Variants in PRKCA observed in about 807,000 individuals in gnomAD.
PRKCA encodes the protein protein kinase C alpha, also known as protein kinase C alpha type.
A neutral mutation model predicts 87.0 loss-of-function variants in PRKCA; 27 were observed. That is an observed-to-expected ratio of 0.31 (90% CI 0.23 to 0.43). The LOEUF is 0.43. Ranked by LOEUF, PRKCA falls within the 20% of genes least tolerant of loss-of-function variation. The probability of loss-of-function intolerance (pLI) is 1.00; values close to 1 mark genes in which losing one functional copy is unlikely to be tolerated. For synonymous variants in PRKCA, 329 were observed against 311.1 expected, an observed-to-expected ratio of 1.06 and a Z score of -0.61; for missense variants, 518 against 852.3, an observed-to-expected ratio of 0.61 and a Z score of 4.88.
At chr17:66,368,800 A>ATG (rs1908919761) in intron 2 of PRKCA, among the ~76,000 whole-genome samples, 2 of 152,170 alleles carry the variant, frequency 1.3e-5, no homozygotes, top group South Asian at 4.1e-4. Context: ...TTTTATACAA[A>ATG]TGTAAAGTAC....
intron 2 of PRKCA, among the ~76,000 whole-genome samples, chr17:66,383,719 G>A (rs570733087): frequency 6.6e-6 from 1 of 152,246 alleles, no homozygotes; most frequent in Non-Finnish European, 1.5e-5. Flanking sequence ...CTAGGAGGCC[G>A]AAGTGGGTGG....
At position 66,445,052 on chromosome 17, in the gene PRKCA, G is replaced by A. The variant is rs188130875; in HGVS notation, c.206-51149G>A. Among the ~76,000 whole-genome samples the A allele has an allele frequency of 2.6e-3, 400 of 152,012 alleles. 2 individuals carry two copies. Among genetic ancestry groups the A allele is most frequent in the African/African-American group, 9.2e-3 (382 of 41,324 alleles). On this transcript the variant is annotated intron_variant, in intron 2 of 16. Coordinates refer to ENST00000413366, the MANE Select transcript of PRKCA (RefSeq NM_002737.3). Reference sequence around the variant, plus strand: ...GTTTGTAGCAACATGTCCCTGCCCCGAATTTGTCATCCAGATGTCGCCTTT... The same window carrying A: ...GTTTGTAGCAACATGTCCCTGCCCCAAATTTGTCATCCAGATGTCGCCTTT...
chr17:66,486,935 C>T (rs1916013821), intron 2 of PRKCA, among the ~76,000 whole-genome samples: 1 of 151,724 alleles, frequency 6.6e-6, no homozygotes, highest in South Asian at 2.1e-4. Flanking sequence ...TCAGATGCAC[C>T]CCCAAAATAT....
rs182863835 is a variant in PRKCA at position 66,464,358 on chromosome 17, C to A, written c.206-31843C>A. Among the ~76,000 whole-genome samples the A allele has an allele frequency of 5.2e-3, 796 of 152,274 alleles. 6 individuals carry two copies. Among genetic ancestry groups the A allele is most frequent in the African/African-American group, 0.018 (746 of 41,564 alleles). ...AAACATCCGTGTGCAGGTTTTCATA[C>A]ATTTTAAACTCATTTGGGTAAATAT... On this transcript the variant is annotated intron_variant, in intron 2 of 16. Transcript: ENST00000413366.
chr17:66,314,347 C>T (rs1372341611), intron 2 of PRKCA, among the ~76,000 whole-genome samples: 2 of 152,090 alleles, frequency 1.3e-5, no homozygotes, highest in African/African-American at 4.8e-5. Flanking sequence ...GGCATGGCCA[C>T]TTCAGTGTTG....
intron 3 of PRKCA, among the ~76,000 whole-genome samples, chr17:66,554,067 C>T (rs907675039): frequency 6.6e-6 from 1 of 152,042 alleles, no homozygotes; most frequent in Non-Finnish European, 1.5e-5. Context: ...CAGACATTGG[C>T]ATGAAGAGAA....
At chr17:66,614,618 G>A (rs1217947115) in intron 3 of PRKCA, among the ~76,000 whole-genome samples, 1 of 152,140 alleles carries the variant, frequency 6.6e-6, no homozygotes, top group African/African-American at 2.4e-5. Context: ...ATGGGCCTCA[G>A]TTTCCTCATC....
chr17:66,681,946 C>T (rs532250306), intron 5 of PRKCA, among the ~76,000 whole-genome samples: 16 of 152,350 alleles, frequency 1.1e-4, no homozygotes, highest in South Asian at 2.1e-4. Context: ...TTTCATCAAG[C>T]AGGCTCTTGG....
intron 2 of PRKCA, among the ~76,000 whole-genome samples, chr17:66,406,460 C>T (rs755119998): frequency 1.3e-5 from 2 of 152,078 alleles, no homozygotes; most frequent in Non-Finnish European, 2.9e-5. Context: ...AAAACTGGTG[C>T]CCAGGTGGCT....
In PRKCA at chr17:66,434,516, C is replaced by T. The variant is rs192453899; in HGVS notation, c.206-61685C>T. On this transcript the variant is annotated intron_variant, in intron 2 of 16. Transcript: ENST00000413366. ...CAGGAGGATGCTTAATTCATTCCAG[C>T]CACCGCTGCTGGAGTTGTTTTAGCA... Among the ~76,000 whole-genome samples the T allele has an allele frequency of 2.6e-5, 4 of 152,250 alleles. No individual in the cohort carries two copies. The East Asian group carries it at 7.7e-4, about 29-fold the overall frequency.
chr17:66,472,407 G>A (rs1472993341), intron 2 of PRKCA, among the ~76,000 whole-genome samples: 1 of 152,180 alleles, frequency 6.6e-6, no homozygotes, highest in Admixed American at 6.5e-5. Flanking sequence ...GTGTCCCTGG[G>A]TTGGCTCGTT....
intron 2 of PRKCA, among the ~76,000 whole-genome samples, chr17:66,359,363 T>TA (rs563905074): frequency 6.6e-6 from 1 of 152,026 alleles, no homozygotes; most frequent in African/African-American, 2.4e-5. Flanking sequence ...GCCGGTTTCT[T>TA]AAAAAAAATT....
chr17:66,394,658 C>T (rs1307691685), intron 2 of PRKCA, among the ~76,000 whole-genome samples: 2 of 152,154 alleles, frequency 1.3e-5, no homozygotes, highest in Non-Finnish European at 2.9e-5. Flanking sequence ...ACCCAAATCT[C>T]ATCTTGAATT....
intron 2 of PRKCA, among the ~76,000 whole-genome samples, chr17:66,413,376 C>T (rs1911930723): frequency 6.6e-6 from 1 of 152,042 alleles, no homozygotes; most frequent in Admixed American, 6.6e-5. Context: ...GATGTGCCAG[C>T]CTCCTGGCAC....
rs901892128 is a variant in PRKCA, at chr17:66,691,351, GTCTA to G, written c.918+2311_918+2314del. On this transcript the variant is annotated intron_variant, in intron 8 of 16. Coordinates refer to ENST00000413366, the MANE Select transcript of PRKCA (RefSeq NM_002737.3). Reference sequence around the variant, plus strand: ...GCATGTATCTGTGTAACTACTATTTGTCTATCTATCAATAGAGAGAAAAGAATGA... The same window carrying G: ...GCATGTATCTGTGTAACTACTATTTGTCTATCAATAGAGAGAAAAGAATGA... 1.9e-3 allele frequency among the ~76,000 whole-genome samples: 292 copies of G among 151,200 alleles called. 1 individual carries two copies. Among genetic ancestry groups the G allele is most frequent in the African/African-American group, 4.8e-3 (195 of 40,596 alleles).
intron 2 of PRKCA, among the ~76,000 whole-genome samples, chr17:66,424,926 G>A (rs189420375): frequency 6.6e-6 from 1 of 151,596 alleles, no homozygotes; most frequent in Admixed American, 6.6e-5. Context: ...ATTTTTTTTT[G>A]TGTGTGTATT....
chr17:66,562,060 ATATATATAATTAAAT>A (rs559438056), intron 3 of PRKCA, among the ~76,000 whole-genome samples: 77 of 126,542 alleles, frequency 6.1e-4, no homozygotes, highest in South Asian at 9.9e-4. Context: ...ATATAATTAA[ATATATATAATTAAAT>A]TATATATATA....
intron 2 of PRKCA, among the ~76,000 whole-genome samples, chr17:66,492,083 G>A (rs567554208): frequency 2.6e-5 from 4 of 152,302 alleles, no homozygotes; most frequent in South Asian, 4.1e-4. Flanking sequence ...GAATCTTCAA[G>A]TAGGCTTAGA....
chr17:66,399,188 T>A (rs1384751374), intron 2 of PRKCA, among the ~76,000 whole-genome samples: 1 of 149,466 alleles, frequency 6.7e-6, no homozygotes, highest in Non-Finnish European at 1.5e-5. Context: ...ACCCTCAACC[T>A]CCTGGGCTCA....
Sources: gnomAD v4.1 joint callset for allele counts (sites outside exome capture counted in the v4.1 genomes callset) on GRCh38, gnomAD v4.1.1 for gene constraint, MANE v1.5 for transcripts, NCBI Gene and HGNC (gene_info 2026-07-23, HGNC 2026-07-21) for gene names.